CTSC: variants seen among roughly 807,000 people sequenced by gnomAD.
The protein encoded by CTSC is cathepsin C.
CTSC carries 37 observed loss-of-function variants against 40.9 expected under a neutral mutation model. The observed-to-expected ratio is 0.91, with a 90% CI of 0.70 to 1.19. CTSC has a LOEUF of 1.19. Ranked by LOEUF, CTSC falls within the 50% of genes most tolerant of loss-of-function variation. The pLI, the probability that CTSC is intolerant of heterozygous loss-of-function variation, is 0.00. For missense variants in CTSC, 594 were observed against 567.3 expected (o/e 1.05, Z -0.48); for synonymous variants, 232 against 207.4 (o/e 1.12, Z -1.02).
chr11:88,313,668 AATTTCTG>A (rs1391413751), intron 2 of CTSC, among the ~76,000 whole-genome samples: 4 of 152,164 alleles, frequency 2.6e-5, no homozygotes, highest in Non-Finnish European at 5.9e-5. Flanking sequence ...TGCTGTGCTA[AATTTCTG>A]AGGAGAGACT....
chr11:88,307,553 TA>T, intron 4 of CTSC, among the ~76,000 whole-genome samples: 1 of 129,808 alleles, frequency 7.7e-6, no homozygotes, highest in Non-Finnish European at 1.6e-5. Flanking sequence ...GCTATACTGA[TA>T]ACTTTTTTTT....
chr11:88,304,394 A>G (rs1470692840), intron 4 of CTSC, among the ~76,000 whole-genome samples: 1 of 152,220 alleles, frequency 6.6e-6, no homozygotes, highest in Non-Finnish European at 1.5e-5. Context: ...AGTTTAAAGC[A>G]ATTATCTGGC....
chr11:88,295,362 G>T (rs1944286671), intron 6 of CTSC, among the ~76,000 whole-genome samples: 1 of 151,908 alleles, frequency 6.6e-6, no homozygotes, highest in African/African-American at 2.4e-5. Flanking sequence ...CATACAGCCT[G>T]ATCTGAAAGC....
At chr11:88,330,953 G>A (rs911815411) in intron 2 of CTSC, among the ~76,000 whole-genome samples, 1 of 152,150 alleles carries the variant, frequency 6.6e-6, no homozygotes, top group Admixed American at 6.5e-5. Flanking sequence ...GTGGAATGCC[G>A]AGAATGGCAA....
Position 88,293,935 on chromosome 11 carries a change from TAC to T in CTSC, c.*69_*70del. On this transcript the variant is annotated 3_prime_UTR_variant, in exon 7 of 7. Transcript: ENST00000227266. ...GCTTCTGAGATTGCTGCTGAAAGTC[TAC>T]AGTCTGTGAATATACCAATTCCCCT... The T allele has an allele frequency of 1.3e-6, 2 of 1,521,720 alleles. No homozygotes were observed. The highest frequency in any genetic ancestry group is 1.8e-6 in the Non-Finnish European group (2 of 1,103,070). The allele number at this position is 1,521,720 out of a possible 1,614,324, so 94.3% of individuals were successfully genotyped here. A position where few individuals can be genotyped will look rare whatever the true frequency, so the allele number is the denominator to read the frequency against.
intron 2 of CTSC, chr11:88,326,084 C>T (rs937155774): frequency 7.3e-5 from 87 of 1,185,106 alleles, no homozygotes; most frequent in South Asian, 7.3e-5. Context: ...AAAAGAACAA[C>T]GTGTTGTATA....
At position 88,302,486 on chromosome 11, in the gene CTSC, C is replaced by T. The variant is rs1191398879; in HGVS notation, c.642-1841G>A. Among the ~76,000 whole-genome samples, 4 of 151,842 alleles carry T rather than the reference C, an allele frequency of 2.6e-5. No individual in the cohort carries two copies. In the South Asian group the frequency reaches 8.3e-4, roughly 32 times the overall value. Reference sequence around the variant, plus strand: ...AAAATACAAAAAAAAATTAGCTGGGCGTGGTGGCGGGTGCCTGTAGTCCCA... The same window carrying T: ...AAAATACAAAAAAAAATTAGCTGGGTGTGGTGGCGGGTGCCTGTAGTCCCA... On this transcript the variant is annotated intron_variant, in intron 4 of 6. Transcript: ENST00000227266.
At chr11:88,325,231 GT>G in intron 2 of CTSC, 1 of 985,236 alleles carries the variant, frequency 1.0e-6, no homozygotes, top group Non-Finnish European at 1.2e-6. Flanking sequence ...TTAATTTGAA[GT>G]TTACAAAGCT....
In CTSC at chr11:88,307,992, G is replaced by C. The variant is rs148095974; in HGVS notation, c.641+1171C>G. Among the ~76,000 whole-genome samples the C allele has an allele frequency of 8.3e-4, 127 of 152,274 alleles. No individual in the cohort carries two copies. The East Asian group carries it at 0.02, about 24-fold the overall frequency. On this transcript the variant is annotated intron_variant, in intron 4 of 6. Transcript: ENST00000227266. Reference sequence around the variant, plus strand: ...ACTCAAATCAGTCTCCCAGAACTTGGTATAAGAGGATGAAACTAGAAGCAT... The same window carrying C: ...ACTCAAATCAGTCTCCCAGAACTTGCTATAAGAGGATGAAACTAGAAGCAT...
intron 6 of CTSC, among the ~76,000 whole-genome samples, chr11:88,295,161 G>A (rs561511046): frequency 4.3e-4 from 66 of 152,260 alleles, no homozygotes; most frequent in African/African-American, 1.5e-3. Flanking sequence ...AGCCCCTATA[G>A]CCTACAAGTC....
At chr11:88,312,319 A>T (rs979272321) in intron 3 of CTSC, 69 bp downstream of exon 3, 2 of 1,503,966 alleles carry the variant, frequency 1.3e-6, no homozygotes, top group African/African-American at 2.8e-5. Context: ...AAAATTCCAA[A>T]AATGTACACA....
At position 88,312,473 on chromosome 11, in the gene CTSC, A is replaced by G; in HGVS notation, c.400T>C (p.Trp134Arg). 1 of 1,614,238 alleles carries G rather than the reference A, an allele frequency of 6.2e-7. No homozygotes were observed. The highest frequency in any genetic ancestry group is 1.3e-5 in the African/African-American group (1 of 75,062). ...GWVHDVLGRN[W>R]ACFTGKKVGT... is the part of the protein sequence containing the mutation. The stretch of plus-strand genomic sequence containing the variant: ...ACCTTCTTTCCGGTGAAACAAGCCC[A>G]GTTCCGGCCCAACACATCATGCACC... The change falls in exon 3 of 7, where the codon TGG becomes CGG. Residue 134 changes from tryptophan to arginine, a missense_variant. Trp to Arg is a moderately radical substitution (Grantham distance 101). Transcript: ENST00000227266.
rs1415011992 is a variant in CTSC, at chr11:88,317,607, T to G, written c.319-5053A>C. On this transcript the variant is annotated intron_variant, in intron 2 of 6. Coordinates refer to ENST00000227266, the MANE Select transcript of CTSC (RefSeq NM_001814.6). ...ATCCACTGTACCCCTGTGATTTTCTTGATTTGAATGTTTTCGGGGTATGTC... is the reference window on the plus strand; with the variant it reads ...ATCCACTGTACCCCTGTGATTTTCTGGATTTGAATGTTTTCGGGGTATGTC... 2.6e-5 allele frequency among the ~76,000 whole-genome samples: 4 copies of G among 152,328 alleles called. No homozygotes were observed. The East Asian group carries it at 7.7e-4, about 29-fold the overall frequency.
chr11:88,308,315 A>G (rs1937679837), intron 4 of CTSC, among the ~76,000 whole-genome samples: 1 of 151,854 alleles, frequency 6.6e-6, no homozygotes, highest in Non-Finnish European at 1.5e-5. Context: ...ACCTGAGTCC[A>G]GCTAAGGCGC....
At position 88,335,065 on chromosome 11, in the gene CTSC, C is replaced by CT. The variant is rs766504984; in HGVS notation, c.189dup (p.Val64SerfsTer13). 2.9e-5 allele frequency: 46 copies of CT among 1,577,656 alleles called. No homozygotes were observed. The highest frequency in any genetic ancestry group is 3.7e-5 in the Non-Finnish European group (43 of 1,150,268). ...TCCAGCTTCTGAAGGTACACCACTA[C>CT]TTTTTTTTCTTGTGGTCCTAAAGAA... is the stretch of plus-strand genomic sequence containing the variant. On this transcript the variant is annotated frameshift_variant, in exon 2 of 7. Coordinates refer to ENST00000227266, the MANE Select transcript of CTSC (RefSeq NM_001814.6). LOFTEE classifies it high-confidence loss of function.
intron 2 of CTSC, among the ~76,000 whole-genome samples, chr11:88,332,526 T>C (rs1396829672): frequency 6.6e-6 from 1 of 152,226 alleles, no homozygotes; most frequent in African/African-American, 2.4e-5. Context: ...TAAACTCTGT[T>C]TCCCATCACT....
chr11:88,332,127 A>G (rs1378948558), intron 2 of CTSC, among the ~76,000 whole-genome samples: 2 of 152,210 alleles, frequency 1.3e-5, no homozygotes, highest in Admixed American at 1.3e-4. Flanking sequence ...TTTGTAGGAT[A>G]ACAACAACGA....
At chr11:88,322,026 A>G (rs1245844582) in intron 2 of CTSC, 3 of 152,126 alleles carry the variant, frequency 2.0e-5, no homozygotes, top group African/African-American at 7.2e-5. Flanking sequence ...GCTTTTCTTC[A>G]TGTTTATTGG....
At position 88,311,313 on chromosome 11, in the gene CTSC, G is replaced by A. The variant is rs528049220; in HGVS notation, c.485+1075C>T. ...ATTTAAAACCTAAACTTAAAATGAAGGGGATGAATTAGTCTAGATCTTGCC... is the reference window on the plus strand; with the variant it reads ...ATTTAAAACCTAAACTTAAAATGAAAGGGATGAATTAGTCTAGATCTTGCC... On this transcript the variant is annotated intron_variant, in intron 3 of 6. Transcript: ENST00000227266. Among the ~76,000 whole-genome samples, 3 of 152,256 alleles carry A rather than the reference G, an allele frequency of 2.0e-5. No individual in the cohort carries two copies. In the South Asian group the frequency reaches 6.2e-4, roughly 32 times the overall value.
Sources: allele counts gnomAD v4.1 joint callset (sites outside exome capture counted in the v4.1 genomes callset), GRCh38; gene constraint gnomAD v4.1.1; transcripts MANE v1.5; gene names NCBI Gene and HGNC (gene_info 2026-07-23, HGNC 2026-07-21).